GABRA3: variants seen among roughly 807,000 people sequenced by gnomAD.
The protein encoded by GABRA3 is gamma-aminobutyric acid type A receptor subunit alpha3.
In GABRA3, 10 loss-of-function variants were observed where a neutral mutation model predicts 30.1. That is an observed-to-expected ratio of 0.33 (90% confidence interval 0.20 to 0.56). The LOEUF is 0.56. Ranked by LOEUF, GABRA3 falls within the 20% of genes least tolerant of loss-of-function variation. The probability of loss-of-function intolerance (pLI) is 0.89; values close to 1 mark genes in which losing one functional copy is unlikely to be tolerated. For missense variants in GABRA3, 233 were observed against 392.0 expected (o/e 0.59, Z 3.42); for synonymous variants, 151 against 146.8 (o/e 1.03, Z -0.21).
intron 1 of GABRA3, among the ~76,000 whole-genome samples, chrX:152,391,219 T>C (rs919274273): frequency 3.6e-5 from 4 of 111,867 alleles, no homozygotes; most frequent in South Asian, 3.8e-4. Context: ...TCCATCCTTT[T>C]ATCAGTTCAG....
At chrX:152,181,264 A>T (rs1439394846) in intron 9 of GABRA3, among the ~76,000 whole-genome samples, 4 of 111,476 alleles carry the variant, frequency 3.6e-5, no homozygotes, top group African/African-American at 6.5e-5. Context: ...GGTTAAATTT[A>T]TTCCTAAGTA....
At chrX:152,273,701 T>C (rs1938990012) in intron 4 of GABRA3, among the ~76,000 whole-genome samples, 1 of 111,962 alleles carries the variant, frequency 8.9e-6, no homozygotes, top group Non-Finnish European at 1.9e-5. Flanking sequence ...AAGACAAATA[T>C]TGCATATTCT....
At chrX:152,186,795 A>T (rs756125987) in intron 9 of GABRA3, 1 of 106,736 alleles carries the variant, frequency 9.4e-6, no homozygotes, top group Admixed American at 1.0e-4. Flanking sequence ...ATAATTATTA[A>T]TTTTTTTTGT....
chrX:152,253,967 G>C (rs900794010), intron 5 of GABRA3, among the ~76,000 whole-genome samples: 1 of 111,838 alleles, frequency 8.9e-6, no homozygotes, highest in African/African-American at 3.2e-5. Flanking sequence ...CAATGAGTTA[G>C]ATGACCCTGC....
chrX:152,326,685 A>G (rs1048701680), intron 3 of GABRA3, among the ~76,000 whole-genome samples: 100 of 111,833 alleles, frequency 8.9e-4, no homozygotes, highest in African/African-American at 3.1e-3. Context: ...GGCCTGCCCT[A>G]AAAGAGCTCC....
intron 4 of GABRA3, among the ~76,000 whole-genome samples, chrX:152,262,539 C>CA (rs1242734482): frequency 4.5e-5 from 5 of 111,981 alleles, no homozygotes; most frequent in African/African-American, 1.6e-4. Context: ...TAAAGCATAA[C>CA]AAAAGTCATC....
chrX:152,450,405 C>T (rs999986396), intron 1 of GABRA3, among the ~76,000 whole-genome samples: 3 of 105,075 alleles, frequency 2.9e-5, no homozygotes, highest in Non-Finnish European at 3.9e-5. Context: ...GTATCTCAAT[C>T]TCTGATCTAG....
chrX:152,172,667 C>T (rs1192338120), intron 9 of GABRA3, among the ~76,000 whole-genome samples: 1 of 111,617 alleles, frequency 9.0e-6, no homozygotes, highest in Non-Finnish European at 1.9e-5. Context: ...AGACATGAAT[C>T]TTGAGGATGC....
chrX:152,260,065 C>A (rs746571013), intron 4 of GABRA3, among the ~76,000 whole-genome samples: 2 of 109,838 alleles, frequency 1.8e-5, no homozygotes, highest in South Asian at 8.1e-4. Flanking sequence ...AACTGAAGAG[C>A]TTTTGGGCCT....
rs868091996 is a variant in GABRA3, at chrX:152,255,876, G to C, written c.453C>G (p.Thr151=). The C allele has an allele frequency of 8.3e-7, 1 of 1,210,157 alleles. No homozygotes were observed. The highest frequency in any genetic ancestry group is 1.8e-5 in the South Asian group (1 of 56,916). ...LLASKIWTPD[T]FFHNGKKSVA... The stretch of plus-strand genomic sequence containing the variant: ...CTGATTTCTTGCCATTGTGGAAGAA[G>C]GTGTCCGGTGTCCAGATCTTACTAG... Residue 151 remains threonine (T), a synonymous_variant, in exon 5 of 10, where the codon ACC becomes ACG. Coordinates refer to ENST00000370314, the MANE Select transcript of GABRA3 (RefSeq NM_000808.4).
intron 1 of GABRA3, among the ~76,000 whole-genome samples, chrX:152,422,917 T>C (rs1930412602): frequency 9.0e-6 from 1 of 111,514 alleles, no homozygotes; most frequent in Admixed American, 9.6e-5. Flanking sequence ...TGTTAATAAA[T>C]ATGTCTATTT....
At chrX:152,328,697 T>C (rs1603242442) in intron 3 of GABRA3, among the ~76,000 whole-genome samples, 1 of 111,553 alleles carries the variant, frequency 9.0e-6, no homozygotes, top group South Asian at 3.8e-4. Context: ...ATGGAATGTA[T>C]CTCAAAATAA....
intron 4 of GABRA3, among the ~76,000 whole-genome samples, chrX:152,264,575 A>G (rs1938788484): frequency 9.0e-6 from 1 of 111,568 alleles, no homozygotes; most frequent in African/African-American, 3.2e-5. Flanking sequence ...GAAGGGAAGA[A>G]AAAAGGAAGA....
At chrX:152,363,579 T>A (rs1395740482) in intron 2 of GABRA3, among the ~76,000 whole-genome samples, 1 of 110,840 alleles carries the variant, frequency 9.0e-6, no homozygotes, top group African/African-American at 3.3e-5. Flanking sequence ...AGGCTACACC[T>A]TTGCTTTACT....
chrX:152,293,587 T>G (rs1939465438), intron 3 of GABRA3, among the ~76,000 whole-genome samples: 1 of 111,714 alleles, frequency 9.0e-6, no homozygotes, highest in Admixed American at 9.5e-5. Context: ...AACATTACAA[T>G]AACAACAATA....
At chrX:152,398,578 A>G (rs1260156770) in intron 1 of GABRA3, among the ~76,000 whole-genome samples, 1 of 111,696 alleles carries the variant, frequency 9.0e-6, no homozygotes, top group Non-Finnish European at 1.9e-5. Flanking sequence ...AAAAAAAACT[A>G]TTAGGAAAGA....
intron 5 of GABRA3, among the ~76,000 whole-genome samples, chrX:152,235,285 GC>G (rs1428829981): frequency 1.8e-5 from 2 of 111,594 alleles, no homozygotes; most frequent in African/African-American, 3.3e-5. Context: ...ATATGGAAAT[GC>G]TATTGATTTT....
At chrX:152,246,704 C>T (rs1296436955) in intron 5 of GABRA3, among the ~76,000 whole-genome samples, 1 of 111,306 alleles carries the variant, frequency 9.0e-6, no homozygotes, top group Non-Finnish European at 1.9e-5. Flanking sequence ...TCATTGTAAG[C>T]TTTCTCAGAG....
At chrX:152,231,205 GTA>G (rs749562823) in intron 5 of GABRA3, among the ~76,000 whole-genome samples, 79 of 104,913 alleles carry the variant, frequency 7.5e-4, no homozygotes, top group Admixed American at 5.8e-3. Context: ...ACATATATAT[GTA>G]TATATATACA....
Sources: allele counts gnomAD v4.1 joint callset (sites outside exome capture counted in the v4.1 genomes callset), GRCh38; gene constraint gnomAD v4.1.1; transcripts MANE v1.5; gene names NCBI Gene and HGNC (gene_info 2026-07-23, HGNC 2026-07-21).